Variants in KLK5 observed in about 807,000 individuals in gnomAD.
The protein encoded by KLK5 is kallikrein related peptidase 5.
Under a neutral mutation model 24.0 loss-of-function variants are expected in KLK5, and 18 were observed. The observed-to-expected ratio is 0.75, with a 90% confidence interval of 0.52 to 1.11. The LOEUF is 1.11. Among genes scored for constraint, KLK5 ranks in the 50% most tolerant of loss-of-function variants. The probability of loss-of-function intolerance (pLI) is 0.00; values close to 1 mark genes in which losing one functional copy is unlikely to be tolerated. For synonymous variants in KLK5, 140 were observed against 154.0 expected, an observed-to-expected ratio of 0.91 and a Z score of 0.67; for missense variants, 374 against 379.2, an observed-to-expected ratio of 0.99 and a Z score of 0.11.
At chr19:50,945,872 T>C (rs917651085) in intron 5 of KLK5, among the ~76,000 whole-genome samples, 1 of 152,144 alleles carries the variant, frequency 6.6e-6, no homozygotes, top group African/African-American at 2.4e-5. Flanking sequence ...TAAAATCTAC[T>C]AAAATAAAAA....
intron 3 of KLK5, 44 bp downstream of exon 3, chr19:50,949,811 A>AAC: frequency 2.0e-5 from 5 of 251,072 alleles, no homozygotes; most frequent in Non-Finnish European, 3.1e-5. Context: ...CCCCACCCCC[A>AAC]CTTCCCCGTC....
intron 5 of KLK5, among the ~76,000 whole-genome samples, chr19:50,946,104 A>G (rs1015845423): frequency 3.9e-5 from 6 of 152,404 alleles, no homozygotes; most frequent in African/African-American, 1.4e-4. Flanking sequence ...CCAGTAGCAG[A>G]CACTGTTTCA....
At chr19:50,949,494 C>T (rs987453404) in intron 3 of KLK5, among the ~76,000 whole-genome samples, 1 of 151,554 alleles carries the variant, frequency 6.6e-6, no homozygotes, top group African/African-American at 2.4e-5. Flanking sequence ...ACCCCCAATT[C>T]TAAAGCCAAT....
In KLK5 at chr19:50,947,468, T is replaced by G. The variant is rs1275838366; in HGVS notation, c.726+1172A>C. Among the ~76,000 whole-genome samples the G allele has an allele frequency of 6.6e-6, 1 of 152,190 alleles. No individual in the cohort carries two copies. Among genetic ancestry groups the G allele is most frequent in the African/African-American group, 2.4e-5 (1 of 41,456 alleles). On this transcript the variant is annotated intron_variant, in intron 5 of 5. Transcript: ENST00000336334. The surrounding 1 kb of genome is among the most constrained non-coding windows in gnomAD (Gnocchi z 8.7). The stretch of plus-strand genomic sequence containing the variant: ...CTCCCCTGACCACCTTTTTGAATAT[T>G]GGCCCTTATTGTTTACTATCCTAAA...
chr19:50,952,689 G>A, intron 1 of KLK5, 21 bp from the exon 2 acceptor site: 2 of 1,557,268 alleles, frequency 1.3e-6, no homozygotes, highest in South Asian at 1.2e-5. Flanking sequence ...AATGTCAGAG[G>A]GTTGGGAGGC....
chr19:50,950,396 G>A lies in KLK5; in HGVS notation c.74-280C>T. On this transcript the variant is annotated intron_variant, in intron 2 of 5. Coordinates refer to ENST00000336334, the MANE Select transcript of KLK5 (RefSeq NM_012427.5). ...GGGTAAAATTGGGTACAGGATTCCT[G>A]GACAAGCTCAGGGGTAGTGCCAAAG... 1.0e-5 allele frequency: 5 copies of A among 494,108 alleles called. No homozygotes were observed. The South Asian group carries it at 1.1e-4, about 11-fold the overall frequency. The allele number at this position is 494,108 out of a possible 1,614,324, so 30.6% of individuals were successfully genotyped here. A position where few individuals can be genotyped will look rare whatever the true frequency, so the allele number is the denominator to read the frequency against.
chr19:50,946,555 T>G (rs894461251), intron 5 of KLK5, among the ~76,000 whole-genome samples: 1 of 129,256 alleles, frequency 7.7e-6, no homozygotes, highest in Non-Finnish European at 1.5e-5. Flanking sequence ...ATGTGATTTC[T>G]TTTCTTTTCT....
At chr19:50,945,084 T>TCCTTCCTC (rs139911270) in intron 5 of KLK5, among the ~76,000 whole-genome samples, 383 of 143,902 alleles carry the variant, frequency 2.7e-3, no homozygotes, top group East Asian at 0.011. Flanking sequence ...CCTTTCTCTC[T>TCCTTCCTC]CCTTCCTCCC....
At position 50,949,855 on chromosome 19, in the gene KLK5, T is replaced by G. The variant is rs750454117; in HGVS notation, c.335A>C (p.Lys112Thr). Residue 112 changes from lysine to threonine, a missense_variant and splice_region_variant, in exon 3 of 6, where the codon AAA (lysine) becomes ACA (threonine). Physicochemically the swap from Lys to Thr is moderately conservative, Grantham distance 78. Transcript: ENST00000336334. Reference protein sequence around the residue: ...WLLTAAHCRKKVFRVRLGHYS... With the variant: ...WLLTAAHCRKTVFRVRLGHYS... ...CCCTCCTCTTGGAACTCCCACTCACTTCTTCCTGCAGTGGGCGGCCGTGAG... is the reference window on the plus strand; with the variant it reads ...CCCTCCTCTTGGAACTCCCACTCACGTCTTCCTGCAGTGGGCGGCCGTGAG... 10 of 1,323,030 alleles carry G rather than the reference T, an allele frequency of 7.6e-6. No homozygotes were observed. Among genetic ancestry groups the G allele is most frequent in the Non-Finnish European group, 9.9e-6 (10 of 1,005,694 alleles). The allele number at this position is 1,323,030 out of a possible 1,614,324, so 82.0% of individuals were successfully genotyped here. A position where few individuals can be genotyped will look rare whatever the true frequency, so the allele number is the denominator to read the frequency against.
rs942364652 is a variant in KLK5 at position 50,952,943 on chromosome 19, C to T, written c.-208G>A. ...CTGCTGAGCCACCCTCACCAGGTCT[C>T]ACTTGCCCTGTCCCCCAGGTAGGGG... On this transcript the variant is annotated 5_prime_UTR_variant, in exon 1 of 6. Transcript: ENST00000336334. 2 of 301,314 alleles carry T rather than the reference C, an allele frequency of 6.6e-6. No homozygotes were observed. The highest frequency in any genetic ancestry group is 1.2e-5 in the Non-Finnish European group (2 of 164,050). The allele number at this position is 301,314 out of a possible 1,614,324, so 18.7% of individuals were successfully genotyped here. A position where few individuals can be genotyped will look rare whatever the true frequency, so the allele number is the denominator to read the frequency against.
intron 5 of KLK5, among the ~76,000 whole-genome samples, chr19:50,946,813 C>A (rs2090639921): frequency 6.6e-6 from 1 of 152,180 alleles, no homozygotes; most frequent in Non-Finnish European, 1.5e-5. Flanking sequence ...CCCGCCTCGG[C>A]CTCCCAAAGT....
At position 50,949,014 on chromosome 19, in the gene KLK5, G is replaced by T. The variant is rs1421689223; in HGVS notation, c.437C>A (p.Ser146Tyr). 1.9e-6 allele frequency: 3 copies of T among 1,613,946 alleles called. No individual in the cohort carries two copies. The Admixed American group carries it at 5.0e-5, about 27-fold the overall frequency. Residue 146 changes from serine to tyrosine, a missense_variant, in exon 4 of 6, where the codon TCC (serine) becomes TAC (tyrosine). Ser to Tyr is a moderately radical substitution (Grantham distance 144). Transcript: ENST00000336334. ...GVKSIPHPGY[S>Y]HPGHSNDLML... ...GAGGTCGTTAGAGTGGCCAGGGTGG[G>T]AGTAGCCAGGGTGGGGGATGGATTT...
chr19:50,952,806 A>G lies in KLK5; in HGVS notation c.-71T>C. On this transcript the variant is annotated 5_prime_UTR_variant, in exon 1 of 6. Coordinates refer to ENST00000336334, the MANE Select transcript of KLK5 (RefSeq NM_012427.5). ...GGGCCACCATCGGCACTGCGCTGAG[A>G]CCCAGGCACTATAGAATTCAGAAGA... 1.9e-6 allele frequency: 1 copy of G among 528,228 alleles called. No individual in the cohort carries two copies. Among genetic ancestry groups the G allele is most frequent in the Non-Finnish European group, 3.3e-6 (1 of 301,972 alleles). The allele number at this position is 528,228 out of a possible 1,614,324, so 32.7% of individuals were successfully genotyped here.
chr19:50,945,792 A>AAAAAGAAAAG (rs59621643), intron 5 of KLK5, among the ~76,000 whole-genome samples: 21,274 of 149,262 alleles, frequency 0.14, 2,069 homozygotes, highest in African/African-American at 0.27. Context: ...CTCCGTCTCA[A>AAAAAGAAAAG]AAAAGAAAAG....
intron 3 of KLK5, 101 bp downstream of exon 3, chr19:50,949,754 C>A: frequency 3.1e-6 from 2 of 652,000 alleles, no homozygotes; most frequent in Non-Finnish European, 2.3e-6. Flanking sequence ...ACTTCCCCGT[C>A]CCCACCAGCC....
rs2090671394 is a variant in KLK5 at position 50,949,953 on chromosome 19, C to T, written c.237G>A (p.Pro79=). 3.1e-6 allele frequency: 5 copies of T among 1,613,744 alleles called. No individual in the cohort carries two copies. Among genetic ancestry groups the T allele is most frequent in the Non-Finnish European group, 3.4e-6 (4 of 1,179,998 alleles). Residue 79 remains proline (P), a synonymous_variant, in exon 3 of 6, where the codon CCG becomes CCA. Transcript: ENST00000336334. ...NGSDCDMHTQ[P]WQAALLLRPN... is the part of the protein sequence containing the mutation. ...GCCTTAGCAACAGCGCGGCCTGCCA[C>T]GGCTGGGTGTGCATATCGCAGTCGG...
At chr19:50,944,390 G>A (rs1423040490) in intron 5 of KLK5, among the ~76,000 whole-genome samples, 2 of 152,080 alleles carry the variant, frequency 1.3e-5, no homozygotes, top group Non-Finnish European at 2.9e-5. Context: ...ATCATTTCGG[G>A]GGGGTCTGTG....
In KLK5 at chr19:50,948,711, C is replaced by T. The variant is rs1285286766; in HGVS notation, c.655G>A (p.Asp219Asn). The T allele has an allele frequency of 6.2e-7, 1 of 1,614,016 alleles. No individual in the cohort carries two copies. Among genetic ancestry groups the T allele is most frequent in the African/African-American group, 1.3e-5 (1 of 74,910 alleles). Residue 219 changes from aspartate (D) to asparagine (N), a missense_variant, in exon 5 of 6, where the codon GAT becomes AAT. Physicochemically the swap from Asp to Asn is conservative, Grantham distance 23 (BLOSUM62 1). Transcript: ENST00000336334. ...ISVLSQKRCE[D>N]AYPRQIDDTM... ...TCATCTATCTGTCTCGGGTAAGCAT[C>T]CTCGCACCTTTTCTGACTTAGCACG...
At chr19:50,951,015 G>A (rs2090683075) in intron 2 of KLK5, among the ~76,000 whole-genome samples, 1 of 152,054 alleles carries the variant, frequency 6.6e-6, no homozygotes, top group South Asian at 2.1e-4. Context: ...TGGCCTAGGG[G>A]CGTGGTTGAG....
Sources: allele counts gnomAD v4.1 joint callset (sites outside exome capture counted in the v4.1 genomes callset), GRCh38; gene constraint gnomAD v4.1.1; non-coding constraint Gnocchi (gnomAD v3.1); transcripts MANE v1.5; gene names NCBI Gene and HGNC (gene_info 2026-07-23, HGNC 2026-07-21).